SHANK2: variants seen among roughly 807,000 people sequenced by gnomAD.
SHANK2 encodes SH3 and multiple ankyrin repeat domains protein 2.
Under a neutral mutation model 133.7 loss-of-function variants are expected in SHANK2, and 43 were observed. The observed-to-expected ratio is 0.32, with a 90% CI of 0.25 to 0.41. The LOEUF is 0.41. Among genes scored for constraint, SHANK2 ranks in the 10% least tolerant of loss-of-function variants. The pLI, the probability that SHANK2 is intolerant of heterozygous loss-of-function variation, is 1.00. For missense variants in SHANK2, 1,994 were observed against 2,235.8 expected, an observed-to-expected ratio of 0.89 and a Z score of 2.18; for synonymous variants, 1,017 against 952.8, an observed-to-expected ratio of 1.07 and a Z score of -1.24.
intron 21 of SHANK2, among the ~76,000 whole-genome samples, chr11:70,499,505 G>A (rs998797610): frequency 2.0e-5 from 3 of 152,184 alleles, no homozygotes; most frequent in East Asian, 1.9e-4. Context: ...GTTGTCCCAC[G>A]CTGTTCTGGC....
At chr11:70,800,111 C>T (rs1948011427) in intron 13 of SHANK2, among the ~76,000 whole-genome samples, 1 of 152,272 alleles carries the variant, frequency 6.6e-6, no homozygotes, top group Non-Finnish European at 1.5e-5. Context: ...GCAGCCTTGA[C>T]TCCCAGGCTT....
chr11:71,213,915 T>G (rs926191921), intron 2 of SHANK2, among the ~76,000 whole-genome samples: 5 of 152,296 alleles, frequency 3.3e-5, no homozygotes, highest in South Asian at 2.1e-4. Context: ...AGTGGCTTCC[T>G]TGGGCCATTT....
At chr11:71,105,865 T>C (rs1238943980) in intron 6 of SHANK2, among the ~76,000 whole-genome samples, 2 of 152,068 alleles carry the variant, frequency 1.3e-5, no homozygotes, top group Non-Finnish European at 2.9e-5. Context: ...GCACCAAGCA[T>C]AAACCCTCAT....
chr11:71,232,908 TA>T (rs1343186236), intron 1 of SHANK2, among the ~76,000 whole-genome samples: 1 of 152,178 alleles, frequency 6.6e-6, no homozygotes, highest in African/African-American at 2.4e-5. Context: ...TAAGTCTTTT[TA>T]AAAGCACACT....
chr11:70,499,995 G>A (rs1216922146), intron 21 of SHANK2, among the ~76,000 whole-genome samples: 1 of 152,196 alleles, frequency 6.6e-6, no homozygotes, highest in Admixed American at 6.5e-5. Context: ...GCTTGCTGCT[G>A]TGAAAGGGGG....
At chr11:70,613,518 T>A (rs183338835) in intron 17 of SHANK2, among the ~76,000 whole-genome samples, 21 of 152,172 alleles carry the variant, frequency 1.4e-4, no homozygotes, top group African/African-American at 4.8e-4. Flanking sequence ...TTTCTTTTTT[T>A]AAAAACAAAG....
chr11:71,122,844 C>T (rs1420832222), intron 3 of SHANK2, among the ~76,000 whole-genome samples: 3 of 152,238 alleles, frequency 2.0e-5, no homozygotes, highest in African/African-American at 7.2e-5. Flanking sequence ...ACCAACCTTG[C>T]CTACCCCTTG....
intron 8 of SHANK2, among the ~76,000 whole-genome samples, chr11:71,082,328 G>C (rs1312078679): frequency 6.6e-6 from 1 of 152,212 alleles, no homozygotes; most frequent in African/African-American, 2.4e-5. Context: ...TCATCTCAGT[G>C]CCTAGGCAAT....
intron 14 of SHANK2, among the ~76,000 whole-genome samples, chr11:70,789,208 G>A (rs782564583): frequency 4.6e-5 from 7 of 152,086 alleles, no homozygotes; most frequent in African/African-American, 9.7e-5. Context: ...ATGAATAAGC[G>A]GGGATCATAA....
chr11:71,163,071 T>TC (rs1440277623), intron 2 of SHANK2, among the ~76,000 whole-genome samples: 7 of 45,608 alleles, frequency 1.5e-4, no homozygotes, highest in Non-Finnish European at 2.7e-4. Flanking sequence ...AGACTCTGTC[T>TC]AAAAAAAAAA....
At chr11:70,834,842 G>A (rs539706998) in intron 11 of SHANK2, among the ~76,000 whole-genome samples, 20 of 152,254 alleles carry the variant, frequency 1.3e-4, no homozygotes, top group African/African-American at 4.3e-4. Context: ...ATCGGGGTGA[G>A]GGCACTGAGG....
At chr11:70,719,444 G>C (rs1591783805) in intron 14 of SHANK2, among the ~76,000 whole-genome samples, 1 of 152,168 alleles carries the variant, frequency 6.6e-6, no homozygotes, top group Admixed American at 6.5e-5. Context: ...CTGGGGATGA[G>C]GATGGAGCTG....
intron 17 of SHANK2, among the ~76,000 whole-genome samples, chr11:70,632,460 G>A (rs1449092909): frequency 6.6e-6 from 1 of 152,104 alleles, no homozygotes; most frequent in Non-Finnish European, 1.5e-5. Context: ...AGCTGCAGGT[G>A]TGTGAAGGCA....
At chr11:71,082,764 G>A (rs1009696719) in intron 8 of SHANK2, among the ~76,000 whole-genome samples, 55 of 152,316 alleles carry the variant, frequency 3.6e-4, no homozygotes, top group African/African-American at 1.3e-3. Flanking sequence ...ACTGTGGCCC[G>A]AAACTATTTC....
intron 9 of SHANK2, among the ~76,000 whole-genome samples, chr11:71,073,142 CTTTTCTTTTTTTTCTTTT>C (rs1215303955): frequency 2.4e-5 from 1 of 41,092 alleles, no homozygotes; most frequent in Admixed American, 2.9e-4. Context: ...TTTTCTTTTT[CTTTTCTTTTTTTTCTTTT>C]TTTTCTTTTT....
chr11:70,486,370 T>C lies in SHANK2; in HGVS notation c.3923A>G (p.Gln1308Arg), dbSNP rs368163695. The change falls in exon 25 of 26, where the codon CAG becomes CGG. Residue 1308 changes from glutamine to arginine, a missense_variant. Around this residue, in one of 5 missense-constraint regions of SHANK2, gnomAD observed 797 missense variants for 907.4 expected, o/e 0.88. Coordinates refer to ENST00000601538, the MANE Select transcript of SHANK2 (RefSeq NM_012309.5). The surrounding 1 kb of genome is among the most constrained non-coding windows in gnomAD (Gnocchi z 8.0). ...MLIDIMDTSQ[Q>R]KSAGLLMVHT... ...CACCATCAGCAGGCCAGCCGACTTC[T>C]GCTGGGACGTGTCCATGATGTCGAT... is the stretch of plus-strand genomic sequence containing the variant. 1.8e-4 allele frequency: 293 copies of C among 1,613,858 alleles called. No homozygotes were observed. Among genetic ancestry groups the C allele is most frequent in the Admixed American group, 1.4e-3 (84 of 60,002 alleles).
intron 10 of SHANK2, among the ~76,000 whole-genome samples, chr11:70,950,777 TTG>T (rs58263736): frequency 2.0e-5 from 3 of 151,574 alleles, no homozygotes; most frequent in South Asian, 4.2e-4. Flanking sequence ...CCAGCTAATT[TTG>T]TGTGTGTGTG....
chr11:70,604,467 T>C (rs1272911709), intron 17 of SHANK2: 2 of 152,320 alleles, frequency 1.3e-5, no homozygotes, highest in Non-Finnish European at 2.9e-5. Flanking sequence ...CTGGGAGAGG[T>C]GGTGCTGGTG....
chr11:71,199,175 C>G (rs1389842675), intron 2 of SHANK2, among the ~76,000 whole-genome samples: 3 of 152,224 alleles, frequency 2.0e-5, no homozygotes, highest in African/African-American at 4.8e-5. Context: ...GTTCTCAGCT[C>G]TGCCACTTGC....
Sources: gnomAD v4.1 joint callset for allele counts (sites outside exome capture counted in the v4.1 genomes callset) on GRCh38, gnomAD v4.1.1 for gene constraint, gnomAD v4.1.1 regional missense constraint, Gnocchi (gnomAD v3.1) non-coding constraint, MANE v1.5 for transcripts, NCBI Gene and HGNC (gene_info 2026-07-23, HGNC 2026-07-21) for gene names.